JAK1: variants seen among roughly 807,000 people sequenced by gnomAD.
JAK1 encodes Janus kinase 1.
In JAK1, 16 loss-of-function variants were observed where a neutral mutation model predicts 136.6. That is an observed-to-expected ratio of 0.12 (90% CI 0.08 to 0.18). The LOEUF is 0.18. JAK1 is among the 10% of genes least tolerant of loss of function. JAK1 has a pLI of 1.00. For missense variants in JAK1, 859 were observed against 1,450.1 expected, an observed-to-expected ratio of 0.59 and a Z score of 6.62; for synonymous variants, 492 against 519.5, an observed-to-expected ratio of 0.95 and a Z score of 0.72.
intron 1 of JAK1, among the ~76,000 whole-genome samples, chr1:65,053,845 G>C (rs1012954305): frequency 2.6e-5 from 4 of 152,164 alleles, no homozygotes; most frequent in African/African-American, 9.7e-5. Flanking sequence ...ACAGGATAAG[G>C]CAAGTTTGTG....
At chr1:64,994,917 A>G (rs1388983139) in intron 2 of JAK1, 1 of 151,650 alleles carries the variant, frequency 6.6e-6, no homozygotes, top group Non-Finnish European at 1.5e-5. Flanking sequence ...AATTACAGTA[A>G]GACGTGACAC....
At chr1:64,899,103 A>C (rs183925848) in intron 1 of JAK1, among the ~76,000 whole-genome samples, 2 of 152,346 alleles carry the variant, frequency 1.3e-5, no homozygotes, top group Non-Finnish European at 2.9e-5. Flanking sequence ...CAATCCTCAC[A>C]ATAATTTGAA....
chr1:65,016,896 T>A (rs1470003756), intron 2 of JAK1, among the ~76,000 whole-genome samples: 1 of 152,042 alleles, frequency 6.6e-6, no homozygotes, highest in Non-Finnish European at 1.5e-5. Flanking sequence ...AGACTCCATC[T>A]CAAAAAAATA....
chr1:64,961,555 C>T (rs72677613), intron 1 of JAK1, among the ~76,000 whole-genome samples: 1 of 152,108 alleles, frequency 6.6e-6, no homozygotes, highest in Non-Finnish European at 1.5e-5. Context: ...CTGGATCCAA[C>T]CTGCATGTCC....
rs2100933292 is a variant in JAK1 at position 64,836,100 on chromosome 1, C to T, written c.3256G>A (p.Ala1086Thr). ...TYCDSDSSPMALFLKMIGPTH... is the reference protein window; with the variant it reads ...TYCDSDSSPMTLFLKMIGPTH... Reference sequence around the variant, plus strand: ...ATGAAGAGAAAAGTAGGACTTACAGCCATGGGACTAGAATCTGAATCACAG... The same window carrying T: ...ATGAAGAGAAAAGTAGGACTTACAGTCATGGGACTAGAATCTGAATCACAG... Residue 1086 changes from alanine (A) to threonine (T), a missense_variant and splice_region_variant, in exon 23 of 25, where the codon GCT (alanine) becomes ACT (threonine). Ala to Thr is a moderately conservative substitution (Grantham distance 58, BLOSUM62 0). Transcript: ENST00000342505. 1 of 1,559,578 alleles carries T rather than the reference C, an allele frequency of 6.4e-7. No homozygotes were observed. Among genetic ancestry groups the T allele is most frequent in the Non-Finnish European group, 8.8e-7 (1 of 1,130,538 alleles).
chr1:64,954,158 AG>A (rs1324919579), intron 1 of JAK1, among the ~76,000 whole-genome samples: 1 of 152,198 alleles, frequency 6.6e-6, no homozygotes, highest in African/African-American at 2.4e-5. Flanking sequence ...ACAATCCAGG[AG>A]AAAAAGTCTC....
At chr1:64,855,750 G>C (rs777751925) in intron 10 of JAK1, 52 bp from the exon 11 acceptor site, 2 of 1,494,088 alleles carry the variant, frequency 1.3e-6, no homozygotes, top group Non-Finnish European at 1.8e-6. Context: ...TCAGGCATGG[G>C]TATGTAAGAT....
chr1:65,016,258 G>C (rs543196593), intron 2 of JAK1, among the ~76,000 whole-genome samples: 1 of 152,136 alleles, frequency 6.6e-6, no homozygotes, highest in South Asian at 2.1e-4. Context: ...AAAAGTTTTC[G>C]AAGTAGATAG....
At chr1:64,894,290 T>C (rs1320927131) in intron 1 of JAK1, among the ~76,000 whole-genome samples, 1 of 152,200 alleles carries the variant, frequency 6.6e-6, no homozygotes, top group African/African-American at 2.4e-5. Flanking sequence ...GAACCTAGTT[T>C]GCCCTCAGTT....
chr1:64,913,239 G>A (rs1274827823), intron 1 of JAK1, among the ~76,000 whole-genome samples: 1 of 152,078 alleles, frequency 6.6e-6, no homozygotes, highest in Non-Finnish European at 1.5e-5. Context: ...TGCCCAGGCT[G>A]GGGTGTCCAT....
At chr1:64,879,736 A>G (rs1183090926) in intron 3 of JAK1, among the ~76,000 whole-genome samples, 2 of 152,212 alleles carry the variant, frequency 1.3e-5, no homozygotes, top group Non-Finnish European at 2.9e-5. Flanking sequence ...AGTACTCTGT[A>G]TGATTATCAC....
chr1:64,859,913 G>C, intron 9 of JAK1, 192 bp downstream of exon 9: 1 of 421,380 alleles, frequency 2.4e-6, no homozygotes, highest in Admixed American at 4.0e-5. Flanking sequence ...TTGAGGGGCT[G>C]CTGCAAAGAG....
chr1:65,010,229 T>C (rs1460723842), intron 2 of JAK1, among the ~76,000 whole-genome samples: 1 of 152,238 alleles, frequency 6.6e-6, no homozygotes, highest in Non-Finnish European at 1.5e-5. Context: ...AGTGACATTG[T>C]GTGACTTCAG....
intron 4 of JAK1, among the ~76,000 whole-genome samples, chr1:64,878,403 G>A (rs1644708619): frequency 6.6e-6 from 1 of 151,998 alleles, no homozygotes; most frequent in East Asian, 1.9e-4. Context: ...CAGCTCCACA[G>A]CCAAAAATCC....
At chr1:64,842,305 A>G (rs1311217182) in intron 17 of JAK1, among the ~76,000 whole-genome samples, 1 of 152,216 alleles carries the variant, frequency 6.6e-6, no homozygotes, top group Non-Finnish European at 1.5e-5. Flanking sequence ...GTTTCATTTT[A>G]AAAATTTTCT....
intron 2 of JAK1, among the ~76,000 whole-genome samples, chr1:65,005,937 ATAAT>A (rs1646800568): frequency 6.6e-6 from 1 of 152,200 alleles, no homozygotes; most frequent in African/African-American, 2.4e-5. Context: ...AAAAGTCATA[ATAAT>A]TAAGATAAAT....
intron 1 of JAK1, among the ~76,000 whole-genome samples, chr1:65,048,404 G>A (rs1255261618): frequency 6.6e-6 from 1 of 152,132 alleles, no homozygotes; most frequent in Non-Finnish European, 1.5e-5. Flanking sequence ...GACTTTCAAT[G>A]TGCTCAGGAT....
At chr1:64,889,862 C>G (rs1045412463) in intron 1 of JAK1, among the ~76,000 whole-genome samples, 2 of 152,120 alleles carry the variant, frequency 1.3e-5, no homozygotes, top group Non-Finnish European at 2.9e-5. Flanking sequence ...AGAATGAGAC[C>G]ACTTTGGCCA....
chr1:64,903,756 A>C (rs750968470), intron 1 of JAK1, among the ~76,000 whole-genome samples: 2 of 152,208 alleles, frequency 1.3e-5, no homozygotes, highest in Non-Finnish European at 2.9e-5. Context: ...TGCTGCAGTG[A>C]CTATTACTGA....
Sources: allele counts gnomAD v4.1 joint callset (sites outside exome capture counted in the v4.1 genomes callset), GRCh38; gene constraint gnomAD v4.1.1; transcripts MANE v1.5; gene names NCBI Gene and HGNC (gene_info 2026-07-23, HGNC 2026-07-21).